PPP2R2B: variants seen among roughly 807,000 people sequenced by gnomAD.
The protein encoded by PPP2R2B is serine/threonine-protein phosphatase 2A 55 kDa regulatory subunit B beta isoform.
PPP2R2B carries 5 observed loss-of-function variants against 46.0 expected under a neutral mutation model. The observed-to-expected ratio is 0.11, with a 90% CI of 0.06 to 0.23. The LOEUF is 0.23. Among genes scored for constraint, PPP2R2B ranks in the 10% least tolerant of loss-of-function variants. PPP2R2B has a pLI of 1.00. For synonymous variants in PPP2R2B, 215 were observed against 206.7 expected (o/e 1.04, Z -0.34); for missense variants, 367 against 575.0 (o/e 0.64, Z 3.70).
intron 2 of PPP2R2B, among the ~76,000 whole-genome samples, chr5:146,799,257 G>C (rs1402664127): frequency 6.6e-6 from 1 of 152,178 alleles, no homozygotes; most frequent in Non-Finnish European, 1.5e-5. Context: ...AATTTAAATT[G>C]TTAACACAGT....
intron 2 of PPP2R2B, among the ~76,000 whole-genome samples, chr5:146,815,219 G>T (rs2151325885): frequency 6.6e-6 from 1 of 152,332 alleles, no homozygotes; most frequent in African/African-American, 2.4e-5. Context: ...ACTGGATTAT[G>T]AAAGTTCCTC....
chr5:146,861,585 A>C (rs1761005068), intron 2 of PPP2R2B, among the ~76,000 whole-genome samples: 1 of 152,242 alleles, frequency 6.6e-6, no homozygotes, highest in South Asian at 2.1e-4. Flanking sequence ...ACACTCCATG[A>C]ATTGTTTCTC....
chr5:147,040,853 C>T (rs1358303552), intron 1 of PPP2R2B: 1 of 424,416 alleles, frequency 2.4e-6, no homozygotes, highest in East Asian at 7.0e-5. Flanking sequence ...ATTACACATA[C>T]CTCCCTCAGC....
At chr5:146,670,749 C>T (rs1777304660) in intron 5 of PPP2R2B, among the ~76,000 whole-genome samples, 1 of 152,144 alleles carries the variant, frequency 6.6e-6, no homozygotes, top group Admixed American at 6.6e-5. Context: ...GCATGCCTGG[C>T]CTCCTAAAGT....
chr5:146,858,034 C>A (rs561014106), intron 2 of PPP2R2B, among the ~76,000 whole-genome samples: 1 of 152,334 alleles, frequency 6.6e-6, no homozygotes, highest in African/African-American at 2.4e-5. Context: ...TTAGCAATTA[C>A]TACCTACTAT....
At chr5:146,620,602 A>G (rs1394260742) in intron 7 of PPP2R2B, among the ~76,000 whole-genome samples, 1 of 151,546 alleles carries the variant, frequency 6.6e-6, no homozygotes, top group African/African-American at 2.4e-5. Context: ...ATGGGCCTCT[A>G]CCTCCCACTG....
In PPP2R2B at chr5:146,698,012, G is replaced by T. The variant is rs1338575941; in HGVS notation, c.301C>A (p.Gln101Lys). 6.2e-7 allele frequency: 1 copy of T among 1,613,138 alleles called. No homozygotes were observed. The highest frequency in any genetic ancestry group is 8.5e-7 in the Non-Finnish European group (1 of 1,179,608). ...KINKIRWLPQ[Q>K]NAAYFLLSTN... is the part of the protein sequence containing the mutation. Reference sequence around the variant, plus strand: ...GACAGAAGAAAGTAAGCTGCATTCTGCTGGGGGAGCCATCTTATTTTATTG... The same window carrying T: ...GACAGAAGAAAGTAAGCTGCATTCTTCTGGGGGAGCCATCTTATTTTATTG... Residue 101 changes from glutamine (Q) to lysine (K), a missense_variant, in exon 4 of 10, where the codon CAG (glutamine) becomes AAG (lysine). By Grantham distance (53) the Gln-to-Lys change is moderately conservative. Around this residue, in one of 2 missense-constraint regions of PPP2R2B, gnomAD observed 361 missense variants for 545.5 expected, o/e 0.66. Transcript: ENST00000394411.
chr5:146,740,735 A>T (rs184422774), intron 2 of PPP2R2B, among the ~76,000 whole-genome samples: 22 of 152,122 alleles, frequency 1.4e-4, no homozygotes, highest in African/African-American at 5.1e-4. Context: ...CAATGAGCAT[A>T]TTTTTTCACA....
At chr5:146,838,124 T>G (rs999077288) in intron 2 of PPP2R2B, among the ~76,000 whole-genome samples, 3 of 152,204 alleles carry the variant, frequency 2.0e-5, no homozygotes, top group Non-Finnish European at 4.4e-5. Flanking sequence ...ATTTAAAAAA[T>G]AGTTATCTAC....
chr5:146,620,401 G>A (rs1561778142), intron 7 of PPP2R2B, among the ~76,000 whole-genome samples: 2 of 152,196 alleles, frequency 1.3e-5, no homozygotes, highest in Admixed American at 6.5e-5. Context: ...ATTGAAGGAG[G>A]CCTCTGAGCA....
chr5:147,029,313 C>G (rs1158846348), intron 1 of PPP2R2B, among the ~76,000 whole-genome samples: 1 of 152,056 alleles, frequency 6.6e-6, no homozygotes, highest in East Asian at 1.9e-4. Flanking sequence ...TCTGAAATTG[C>G]TTTATGTGCC....
At chr5:146,896,020 G>T in intron 1 of PPP2R2B, among the ~76,000 whole-genome samples, 1 of 152,012 alleles carries the variant, frequency 6.6e-6, no homozygotes, top group East Asian at 1.9e-4. Flanking sequence ...AAATAATATT[G>T]TCTGAGTGGT....
At chr5:146,675,184 T>C (rs952088960) in intron 5 of PPP2R2B, among the ~76,000 whole-genome samples, 16 of 151,978 alleles carry the variant, frequency 1.1e-4, no homozygotes, top group Non-Finnish European at 1.5e-4. Flanking sequence ...ATGGTTTCAA[T>C]CTCCTGACCT....
intron 1 of PPP2R2B, among the ~76,000 whole-genome samples, chr5:147,030,816 C>T (rs529098165): frequency 6.6e-6 from 1 of 152,280 alleles, no homozygotes; most frequent in East Asian, 1.9e-4. Context: ...TTAAACTTTA[C>T]ATGACGTTAT....
In PPP2R2B at chr5:146,585,894, G is replaced by GA. The variant is rs1407551408; in HGVS notation, c.*4052dup. The GA allele has an allele frequency of 6.6e-6, 1 of 152,208 alleles. No individual in the cohort carries two copies. Among genetic ancestry groups the GA allele is most frequent in the Non-Finnish European group, 1.5e-5 (1 of 68,042 alleles). 9.4% of individuals were successfully genotyped at this position (152,208 alleles called of 1,614,324 possible). On this transcript the variant is annotated 3_prime_UTR_variant, in exon 10 of 10. Transcript: ENST00000394411. The stretch of plus-strand genomic sequence containing the variant: ...AGGTGATGACACTGACATAGGGACT[G>GA]AGTGGGTAGCTTAAGTTCCATGGTT...
rs893199098 is a variant in PPP2R2B at position 146,589,844 on chromosome 5, G to T, written c.*103C>A. On this transcript the variant is annotated 3_prime_UTR_variant, in exon 10 of 10. Coordinates refer to ENST00000394411, the MANE Select transcript of PPP2R2B (RefSeq NM_181675.4). The stretch of plus-strand genomic sequence containing the variant: ...TTCTATTCCAATCATTTCCTGTATA[G>T]GGAAATTAAAGTCAATGCATCAAAT... 4 of 1,150,632 alleles carry T rather than the reference G, an allele frequency of 3.5e-6. No homozygotes were observed. The East Asian group carries it at 9.4e-5, about 27-fold the overall frequency. The allele number at this position is 1,150,632 out of a possible 1,614,324, so 71.3% of individuals were successfully genotyped here.
chr5:146,803,609 G>A (rs957390395), intron 2 of PPP2R2B, among the ~76,000 whole-genome samples: 1 of 152,000 alleles, frequency 6.6e-6, no homozygotes, highest in Non-Finnish European at 1.5e-5. Context: ...TCATTAGCAG[G>A]CCTAGCAAGT....
chr5:147,078,089 TTTTG>T (rs1757844484), intron 2 of PPP2R2B, among the ~76,000 whole-genome samples: 2 of 152,324 alleles, frequency 1.3e-5, no homozygotes, highest in African/African-American at 2.4e-5. Context: ...ACTTAATATT[TTTTG>T]TTTGTTTGCT....
chr5:146,883,182 G>T (rs1306563898), upstream of PPP2R2B, among the ~76,000 whole-genome samples: 1 of 152,214 alleles, frequency 6.6e-6, no homozygotes, highest in Non-Finnish European at 1.5e-5. Flanking sequence ...GACCTTTGGT[G>T]AGTAGTTTAA....
Sources: allele counts gnomAD v4.1 joint callset (sites outside exome capture counted in the v4.1 genomes callset), GRCh38; gene constraint gnomAD v4.1.1; regional missense constraint gnomAD v4.1.1; transcripts MANE v1.5; gene names NCBI Gene and HGNC (gene_info 2026-07-23, HGNC 2026-07-21).